The following CTDSPL variants were observed in gnomAD, a reference collection of about 807,000 sequenced individuals.
The protein encoded by CTDSPL is CTD small phosphatase like.
A neutral mutation model predicts 30.5 loss-of-function variants in CTDSPL; 8 were observed. The ratio of observed to expected loss-of-function variants is 0.26; its 90% CI spans 0.15 to 0.47. The LOEUF (loss-of-function observed/expected upper bound fraction) is 0.47, where lower values mean the gene tolerates loss of function less well. Ranked by LOEUF, CTDSPL falls within the 20% of genes least tolerant of loss-of-function variation. CTDSPL has a pLI of 0.99. For missense variants in CTDSPL, 248 were observed against 366.1 expected, an observed-to-expected ratio of 0.68 and a Z score of 2.63; for synonymous variants, 110 against 137.9, an observed-to-expected ratio of 0.80 and a Z score of 1.42.
chr3:37,916,539 GAC>G (rs1004519327), intron 1 of CTDSPL, among the ~76,000 whole-genome samples: 1 of 152,142 alleles, frequency 6.6e-6, no homozygotes, highest in Non-Finnish European at 1.5e-5. Flanking sequence ...AAGAGACACA[GAC>G]ACACATAGGG....
chr3:37,930,461 T>C (rs1698839985), intron 1 of CTDSPL, among the ~76,000 whole-genome samples: 1 of 152,000 alleles, frequency 6.6e-6, no homozygotes, highest in African/African-American at 2.4e-5. Flanking sequence ...ATTATTATGA[T>C]TATTATTACT....
chr3:37,948,900 A>C (rs569252434), intron 2 of CTDSPL, among the ~76,000 whole-genome samples: 65 of 141,296 alleles, frequency 4.6e-4, no homozygotes, highest in Non-Finnish European at 7.2e-4. Context: ...GGCTCACTGC[A>C]AGCTCCGCTT....
chr3:37,974,639 T>A (rs1028235869), intron 6 of CTDSPL, among the ~76,000 whole-genome samples: 1 of 152,172 alleles, frequency 6.6e-6, no homozygotes, highest in Non-Finnish European at 1.5e-5. Context: ...TCTCCAAGCC[T>A]GCTTTGGGGG....
chr3:37,926,170 G>A (rs9868023), intron 1 of CTDSPL, among the ~76,000 whole-genome samples: 9,354 of 152,212 alleles, frequency 0.061, 508 homozygotes, highest in African/African-American at 0.14. Flanking sequence ...CAGAGGAGAT[G>A]GCAGGCCAGC....
intron 1 of CTDSPL, among the ~76,000 whole-genome samples, chr3:37,868,903 ATGTAAATTTTACAATACTCT>A (rs1320945901): frequency 6.6e-6 from 1 of 152,082 alleles, no homozygotes; most frequent in Non-Finnish European, 1.5e-5. Context: ...TTGCCACATT[ATGTAAATTTTACAATACTCT>A]TGTCTATATC....
chr3:37,972,383 T>C (rs1699377222), intron 6 of CTDSPL, among the ~76,000 whole-genome samples: 2 of 152,054 alleles, frequency 1.3e-5, no homozygotes, highest in Non-Finnish European at 2.9e-5. Flanking sequence ...TCCCAGCTAC[T>C]CGGGAGGCTG....
chr3:37,924,387 C>G (rs562942020), intron 1 of CTDSPL, among the ~76,000 whole-genome samples: 1 of 152,144 alleles, frequency 6.6e-6, no homozygotes, highest in African/African-American at 2.4e-5. Flanking sequence ...AACTGAAAAA[C>G]AATGATGTGT....
chr3:37,902,109 A>G (rs1334069022), intron 1 of CTDSPL, among the ~76,000 whole-genome samples: 1 of 152,218 alleles, frequency 6.6e-6, no homozygotes, highest in Non-Finnish European at 1.5e-5. Context: ...CTTATATGTC[A>G]GGCCAGGACT....
chr3:37,908,623 A>T (rs919251719), intron 1 of CTDSPL, among the ~76,000 whole-genome samples: 4 of 152,198 alleles, frequency 2.6e-5, no homozygotes, highest in African/African-American at 9.7e-5. Context: ...GCTTCTTCAT[A>T]TTTTAAATTA....
intron 3 of CTDSPL, among the ~76,000 whole-genome samples, chr3:37,960,097 A>C (rs1027504578): frequency 3.3e-5 from 5 of 152,046 alleles, no homozygotes; most frequent in Admixed American, 3.3e-4. Flanking sequence ...TCACACCTGT[A>C]ATCCCACTGA....
chr3:37,932,316 A>T (rs1036800316), intron 1 of CTDSPL, among the ~76,000 whole-genome samples: 7 of 152,208 alleles, frequency 4.6e-5, no homozygotes, highest in Admixed American at 6.5e-5. Context: ...AACCATTTTT[A>T]AAAAAGATTT....
At chr3:37,948,078 G>A (rs959565782) in intron 2 of CTDSPL, among the ~76,000 whole-genome samples, 1 of 152,184 alleles carries the variant, frequency 6.6e-6, no homozygotes, top group African/African-American at 2.4e-5. Context: ...GAGGTCAGGA[G>A]TTAGAGACCA....
intron 7 of CTDSPL, 121 bp from the exon 8 acceptor site, chr3:37,980,621 G>T: frequency 7.8e-7 from 1 of 1,280,040 alleles, no homozygotes; most frequent in Non-Finnish European, 1.1e-6. Flanking sequence ...TGATGATAAC[G>T]ATGATGACAC....
intron 1 of CTDSPL, among the ~76,000 whole-genome samples, chr3:37,912,372 C>A (rs1489320308): frequency 1.3e-5 from 2 of 152,178 alleles, no homozygotes; most frequent in African/African-American, 4.8e-5. Flanking sequence ...CTTTTGAAAT[C>A]TTTTCTTTAT....
At chr3:37,939,648 G>A (rs76203038) in intron 1 of CTDSPL, among the ~76,000 whole-genome samples, 4,210 of 150,240 alleles carry the variant, frequency 0.028, 314 homozygotes, top group South Asian at 0.1. Context: ...GGCCCTTGCT[G>A]TCATTACTCC....
chr3:37,953,890 A>G (rs1365943882), intron 2 of CTDSPL, among the ~76,000 whole-genome samples: 1 of 152,248 alleles, frequency 6.6e-6, no homozygotes, highest in Non-Finnish European at 1.5e-5. Context: ...AAACATGGAA[A>G]AGATACAAAG....
At chr3:37,884,626 G>T (rs1383256968) in intron 1 of CTDSPL, among the ~76,000 whole-genome samples, 1 of 152,120 alleles carries the variant, frequency 6.6e-6, no homozygotes, top group Non-Finnish European at 1.5e-5. Context: ...GGAGAGTTTG[G>T]AGCTGTAAGA....
rs1699518832 is a variant in CTDSPL at position 37,983,652 on chromosome 3, G to A, written c.*2785G>A. ...CTCTGGGACAGGACACCTTGGGTTT[G>A]TGGACTGCAGCCCACTATGATGTTA... On this transcript the variant is annotated 3_prime_UTR_variant, in exon 8 of 8. Transcript: ENST00000273179. 1 of 152,774 alleles carries A rather than the reference G, an allele frequency of 6.5e-6. No individual in the cohort carries two copies. The highest frequency in any genetic ancestry group is 2.4e-5 in the African/African-American group (1 of 41,450). 9.5% of individuals were successfully genotyped at this position (152,774 alleles called of 1,614,324 possible). A position where few individuals can be genotyped will look rare whatever the true frequency, so the allele number is the denominator to read the frequency against.
chr3:37,977,142 T>C (rs1559650065), intron 7 of CTDSPL, among the ~76,000 whole-genome samples: 1 of 152,234 alleles, frequency 6.6e-6, no homozygotes, highest in Non-Finnish European at 1.5e-5. Flanking sequence ...TAAATCAAAT[T>C]CAACATAATA....
Sources: allele counts gnomAD v4.1 joint callset (sites outside exome capture counted in the v4.1 genomes callset), GRCh38; gene constraint gnomAD v4.1.1; transcripts MANE v1.5; gene names NCBI Gene and HGNC (gene_info 2026-07-23, HGNC 2026-07-21).